TCP1: variants seen among roughly 807,000 people sequenced by gnomAD.
TCP1 encodes T-complex protein 1 subunit alpha.
In TCP1, 6 loss-of-function variants were observed where a neutral mutation model predicts 54.7. The observed-to-expected ratio is 0.11, with a 90% CI of 0.06 to 0.22. The LOEUF is 0.22. Ranked by LOEUF, TCP1 falls within the 10% of genes least tolerant of loss-of-function variation. TCP1 has a pLI of 1.00. For synonymous variants in TCP1, 225 were observed against 229.7 expected (o/e 0.98, Z 0.19); for missense variants, 511 against 678.2 (o/e 0.75, Z 2.74).
rs780485856 is a variant in TCP1, at chr6:159,778,646, T to C, written c.*399A>G. 6.2e-7 allele frequency: 1 copy of C among 1,612,246 alleles called. No individual in the cohort carries two copies. The highest frequency in any genetic ancestry group is 1.7e-5 in the Admixed American group (1 of 59,832). On this transcript the variant is annotated 3_prime_UTR_variant, in exon 12 of 12. Coordinates refer to ENST00000321394, the MANE Select transcript of TCP1 (RefSeq NM_030752.3). ...AGAAGAATAAACAATCTAAATCTTT[T>C]CTCCCCCGTTAGGTCAATATTGAAG...
At chr6:159,779,485 C>G in intron 11 of TCP1, 142 bp downstream of exon 11, 1 of 1,217,186 alleles carries the variant, frequency 8.2e-7, no homozygotes, top group South Asian at 1.5e-5. Flanking sequence ...AGTGACTGAA[C>G]AACAAATGCT....
At chr6:159,783,379 A>ATTTTTTTT (rs770127722) in intron 7 of TCP1, among the ~76,000 whole-genome samples, 48 of 118,828 alleles carry the variant, frequency 4.0e-4, no homozygotes, top group African/African-American at 1.5e-3. Context: ...TGTTTAAACT[A>ATTTTTTTT]TTTTTTTTTT....
intron 11 of TCP1, 143 bp downstream of exon 11, chr6:159,779,484 A>C: frequency 8.3e-7 from 1 of 1,206,242 alleles, no homozygotes; most frequent in Non-Finnish European, 1.2e-6. Context: ...CAGTGACTGA[A>C]CAACAAATGC....
At chr6:159,788,351 G>A in intron 1 of TCP1, 1 of 502,144 alleles carries the variant, frequency 2.0e-6, no homozygotes, top group Admixed American at 3.4e-5. Flanking sequence ...ACACTGCGAG[G>A]CCGAGGCAGG....
At chr6:159,782,564 AAAG>A (rs1357952742) in intron 7 of TCP1, among the ~76,000 whole-genome samples, 1 of 152,232 alleles carries the variant, frequency 6.6e-6, no homozygotes, top group South Asian at 2.1e-4. Flanking sequence ...GTGTTGGTAA[AAAG>A]GAGGAGTTAA....
In TCP1 at chr6:159,789,412, G is replaced by A; in HGVS notation, c.57C>T (p.Ser19=). 6.2e-7 allele frequency: 1 copy of A among 1,613,796 alleles called. No homozygotes were observed. Among genetic ancestry groups the A allele is most frequent in the South Asian group, 1.1e-5 (1 of 91,080 alleles). The part of the protein sequence containing the change: ...GDRSTGETIR[S]QNVMAAASIA... ...GGCCCGGCCCGCCCTTACCGTTTTG[G>A]GAGCGGATCGTTTCCCCAGTGCTGC... The change falls in exon 1 of 12, where the codon TCC becomes TCT. Residue 19 remains serine (S), a synonymous_variant. Coordinates refer to ENST00000321394, the MANE Select transcript of TCP1 (RefSeq NM_030752.3).
Position 159,783,996 on chromosome 6 carries a change from G to C in TCP1, c.742C>G (p.Leu248Val). 1 of 1,613,272 alleles carries C rather than the reference G, an allele frequency of 6.2e-7. No homozygotes were observed. Among genetic ancestry groups the C allele is most frequent in the Non-Finnish European group, 8.5e-7 (1 of 1,179,966 alleles). ...DFSLQKTKMK[L>V]GVQVVITDPE... Reference sequence around the variant, plus strand: ...TCTGTAATGACCACCTGTACACCAAGCTTCATTTTTGTTTTTTGCAGGCTG... The same window carrying C: ...TCTGTAATGACCACCTGTACACCAACCTTCATTTTTGTTTTTTGCAGGCTG... The change falls in exon 7 of 12, where the codon CTT (leucine) becomes GTT (valine). Residue 248 changes from leucine to valine, a missense_variant. This residue lies in a region of TCP1 where 305 missense variants were observed against 352.8 expected (regional missense o/e 0.86). Transcript: ENST00000321394.
In TCP1 at chr6:159,778,708, C is replaced by G; in HGVS notation, c.*337G>C. On this transcript the variant is annotated 3_prime_UTR_variant, in exon 12 of 12. Transcript: ENST00000321394. The stretch of plus-strand genomic sequence containing the variant: ...GCCTTGGGCCACCCTCTTGGAGCAT[C>G]TGGCTGTCGAATTCTTGTGACCCTG... 6.2e-7 allele frequency: 1 copy of G among 1,614,226 alleles called. No homozygotes were observed. The highest frequency in any genetic ancestry group is 8.5e-7 in the Non-Finnish European group (1 of 1,180,032).
At position 159,779,073 on chromosome 6, in the gene TCP1, G is replaced by T; in HGVS notation, c.1643C>A (p.Ala548Asp). 1 of 1,613,984 alleles carries T rather than the reference G, an allele frequency of 6.2e-7. No homozygotes were observed. The highest frequency in any genetic ancestry group is 8.5e-7 in the Non-Finnish European group (1 of 1,179,888). ...KDDKHGSYED[A>D]VHSGALND ...ATCATTAAGGGCTCCAGAGTGAACAGCATCTTCATAACTTCCATGTTTATC... is the reference window on the plus strand; with the variant it reads ...ATCATTAAGGGCTCCAGAGTGAACATCATCTTCATAACTTCCATGTTTATC... Residue 548 changes from alanine to aspartate, a missense_variant, in exon 12 of 12, where the codon GCT becomes GAT. Physicochemically the swap from Ala to Asp is moderately radical, Grantham distance 126. Coordinates refer to ENST00000321394, the MANE Select transcript of TCP1 (RefSeq NM_030752.3).
Position 159,780,200 on chromosome 6 carries a change from G to A in TCP1, c.1098-113C>T, listed in dbSNP as rs1780539652. On this transcript the variant is annotated intron_variant, in intron 9 of 11. Coordinates refer to ENST00000321394, the MANE Select transcript of TCP1 (RefSeq NM_030752.3). The stretch of plus-strand genomic sequence containing the variant: ...TTTTAATAAAATAAGTCTACATAAA[G>A]TTCCCTTAAGTCCTGCCTACACAGG... 5 of 1,345,628 alleles carry A rather than the reference G, an allele frequency of 3.7e-6. No homozygotes were observed. The East Asian group carries it at 1.1e-4, about 31-fold the overall frequency. 83.4% of individuals were successfully genotyped at this position (1,345,628 alleles called of 1,614,324 possible). A position where few individuals can be genotyped will look rare whatever the true frequency, so the allele number is the denominator to read the frequency against.
chr6:159,778,515 G>A lies in TCP1; in HGVS notation c.*530C>T, dbSNP rs1780484871. 1.3e-5 allele frequency: 12 copies of A among 902,772 alleles called. No individual in the cohort carries two copies. Among genetic ancestry groups the A allele is most frequent in the East Asian group, 1.3e-4 (4 of 31,764 alleles). The allele number at this position is 902,772 out of a possible 1,614,324, so 55.9% of individuals were successfully genotyped here. ...GGCAGGGATGAATTTTCACAAAGGT[G>A]TAAATTTATTCCTAAGCAGTTAAAA... On this transcript the variant is annotated 3_prime_UTR_variant, in exon 12 of 12. Transcript: ENST00000321394.
chr6:159,788,247 T>C (rs1780745946), intron 1 of TCP1, 104 bp from the exon 2 acceptor site: 1 of 1,050,684 alleles, frequency 9.5e-7, no homozygotes, highest in Non-Finnish European at 1.4e-6. Context: ...AGCCCCCGTA[T>C]TTCCCAAATC....
intron 4 of TCP1, 53 bp from the exon 5 acceptor site, chr6:159,785,549 T>C: frequency 7.4e-7 from 1 of 1,358,842 alleles, no homozygotes. Flanking sequence ...ACTCAAACTC[T>C]TTGCATTCAT....
At chr6:159,782,361 G>A (rs1213744581) in intron 7 of TCP1, among the ~76,000 whole-genome samples, 2 of 152,120 alleles carry the variant, frequency 1.3e-5, no homozygotes, top group African/African-American at 2.4e-5. Flanking sequence ...GGTAAAAACT[G>A]TAATAAGCCC....
Position 159,779,027 on chromosome 6 carries a change from A to T in TCP1, c.*18T>A. On this transcript the variant is annotated 3_prime_UTR_variant, in exon 12 of 12. Coordinates refer to ENST00000321394, the MANE Select transcript of TCP1 (RefSeq NM_030752.3). ...GACAATTGCATTTAACATTGTTATA[A>T]ATAAAAGGAACATCAGATCAATCAT... 1.9e-6 allele frequency: 3 copies of T among 1,606,536 alleles called. No homozygotes were observed. Among genetic ancestry groups the T allele is most frequent in the Non-Finnish European group, 2.6e-6 (3 of 1,174,436 alleles).
chr6:159,778,928 T>G lies in TCP1; in HGVS notation c.*117A>C. The G allele has an allele frequency of 6.4e-7, 1 of 1,569,130 alleles. No homozygotes were observed. The highest frequency in any genetic ancestry group is 8.7e-7 in the Non-Finnish European group (1 of 1,153,174). ...AGGACCAAAGTACAGATGGAAACCATTTCCTACATCACAAAAACCCAAGTT... is the reference window on the plus strand; with the variant it reads ...AGGACCAAAGTACAGATGGAAACCAGTTCCTACATCACAAAAACCCAAGTT... On this transcript the variant is annotated 3_prime_UTR_variant, in exon 12 of 12. Transcript: ENST00000321394.
intron 5 of TCP1, chr6:159,785,113 A>C: frequency 1.7e-6 from 1 of 601,158 alleles, no homozygotes; most frequent in Non-Finnish European, 2.9e-6. Context: ...TATTGATATC[A>C]ATTTGCATAA....
intron 6 of TCP1, 108 bp from the exon 7 acceptor site, chr6:159,784,175 A>AT (rs1780639234): frequency 5.9e-6 from 8 of 1,351,248 alleles, no homozygotes; most frequent in Admixed American, 3.2e-5. Flanking sequence ...AATTCATTGC[A>AT]TTTTATCTTA....
chr6:159,785,584 T>C, intron 4 of TCP1, 88 bp from the exon 5 acceptor site: 1 of 1,056,258 alleles, frequency 9.5e-7, no homozygotes. Context: ...AGCCAAAATG[T>C]CGTAAGTAAT....
Sources: allele counts gnomAD v4.1 joint callset (sites outside exome capture counted in the v4.1 genomes callset), GRCh38; gene constraint gnomAD v4.1.1; regional missense constraint gnomAD v4.1.1; transcripts MANE v1.5; gene names NCBI Gene and HGNC (gene_info 2026-07-23, HGNC 2026-07-21).